The following TRERF1 variants were observed in gnomAD, a reference collection of about 807,000 sequenced individuals.
TRERF1 encodes the protein transcriptional regulating factor 1, also known as transcriptional-regulating factor 1.
TRERF1 carries 27 observed loss-of-function variants against 122.9 expected under a neutral mutation model. The ratio of observed to expected loss-of-function variants is 0.22; its 90% CI spans 0.16 to 0.30. The LOEUF is 0.30. Ranked by LOEUF, TRERF1 falls within the 10% of genes least tolerant of loss-of-function variation. TRERF1 has a pLI of 1.00. For missense variants in TRERF1, 1,248 were observed against 1,560.3 expected (o/e 0.80, Z 3.37); for synonymous variants, 636 against 641.7 (o/e 0.99, Z 0.13).
chr6:42,419,204 T>C (rs776298956), intron 2 of TRERF1, among the ~76,000 whole-genome samples: 16 of 152,174 alleles, frequency 1.1e-4, no homozygotes, highest in Admixed American at 8.5e-4. Flanking sequence ...CTCCATCTCT[T>C]TAGATAATTC....
In TRERF1 at chr6:42,228,903, A is replaced by G. The variant is rs1459584060; in HGVS notation, c.3279-234T>C. The stretch of plus-strand genomic sequence containing the variant: ...GTGCCTCAGGCTTCCTTCCTGTGAC[A>G]ATGGAGGAGGAATTCTCAAAGGCCT... On this transcript the variant is annotated intron_variant, in intron 17 of 17. Coordinates refer to ENST00000372922, the Ensembl canonical transcript of TRERF1. This position sits in a 1 kb window ranked among gnomAD's most constrained non-coding sequence, Gnocchi z 4.2. Among the ~76,000 whole-genome samples the G allele has an allele frequency of 1.3e-5, 2 of 152,144 alleles. No individual in the cohort carries two copies. Among genetic ancestry groups the G allele is most frequent in the African/African-American group, 4.8e-5 (2 of 41,426 alleles).
intron 4 of TRERF1, among the ~76,000 whole-genome samples, chr6:42,281,776 C>T (rs991142418): frequency 3.9e-5 from 6 of 152,158 alleles, no homozygotes; most frequent in Admixed American, 1.3e-4. Flanking sequence ...GATGCTGCTA[C>T]GCAAACAGGA....
At chr6:42,444,338 T>A (rs1266491641) in intron 2 of TRERF1, among the ~76,000 whole-genome samples, 1 of 152,150 alleles carries the variant, frequency 6.6e-6, no homozygotes, top group African/African-American at 2.4e-5. Context: ...AACTGAAGAC[T>A]CTTTTCTCCA....
At chr6:42,380,856 A>T (rs545342622) in intron 2 of TRERF1, among the ~76,000 whole-genome samples, 1 of 152,340 alleles carries the variant, frequency 6.6e-6, no homozygotes, top group Admixed American at 6.5e-5. Context: ...AGGCACCACT[A>T]CATCTCTTCT....
At chr6:42,264,217 T>A (rs1778740123) in intron 7 of TRERF1, among the ~76,000 whole-genome samples, 1 of 152,196 alleles carries the variant, frequency 6.6e-6, no homozygotes, top group South Asian at 2.1e-4. Flanking sequence ...TATCTGGATA[T>A]CCTACCTGGA....
chr6:42,280,967 C>A (rs566004771), intron 4 of TRERF1, among the ~76,000 whole-genome samples: 1 of 152,192 alleles, frequency 6.6e-6, no homozygotes, highest in African/African-American at 2.4e-5. Flanking sequence ...TTCCCCCTCA[C>A]CTGAGATTCC....
Position 42,242,073 on chromosome 6 carries a change from C to G in TRERF1, c.2859+1175G>C, listed in dbSNP as rs574305434. ...TCATGCCGCTGCATTCTAGCCTGAGCGACAAAGTGAGACCCTGTCTCAAAC... is the reference window on the plus strand; with the variant it reads ...TCATGCCGCTGCATTCTAGCCTGAGGGACAAAGTGAGACCCTGTCTCAAAC... On this transcript the variant is annotated intron_variant, in intron 15 of 17. Transcript: ENST00000372922. Among the ~76,000 whole-genome samples, 6 of 152,248 alleles carry G rather than the reference C, an allele frequency of 3.9e-5. No homozygotes were observed. In the East Asian group the frequency reaches 1.2e-3, roughly 29 times the overall value.
At chr6:42,318,401 A>AGAGGAC (rs1762852462) in intron 3 of TRERF1, among the ~76,000 whole-genome samples, 1 of 152,146 alleles carries the variant, frequency 6.6e-6, no homozygotes, top group Non-Finnish European at 1.5e-5. Flanking sequence ...CATAGACAAA[A>AGAGGAC]TTTCTTTCTT....
At chr6:42,281,061 A>G (rs34852211) in intron 4 of TRERF1, among the ~76,000 whole-genome samples, 4,158 of 152,178 alleles carry the variant, frequency 0.027, 57 homozygotes, top group Non-Finnish European at 0.037. Flanking sequence ...GGGGATAAAG[A>G]GGGGTCCTGC....
rs77181813 is a variant in TRERF1, at chr6:42,262,458, G to C, written c.1884+862C>G. On this transcript the variant is annotated intron_variant, in intron 8 of 17. Transcript: ENST00000372922. The stretch of plus-strand genomic sequence containing the variant: ...GCAGAGAGAGAGAGAGAGAGAGAGA[G>C]AGAGAGAGGAGAGAGAGAGAGAGAG... Among the ~76,000 whole-genome samples the C allele has an allele frequency of 5.7e-3, 32 of 5,658 alleles. 1 individual carries two copies. Among genetic ancestry groups the C allele is most frequent in the Non-Finnish European group, 9.2e-3 (18 of 1,958 alleles). 3.7% of individuals were successfully genotyped at this position (5,658 alleles called of 152,430 possible).
intron 13 of TRERF1, 134 bp downstream of exon 13, chr6:42,254,717 C>T: frequency 2.5e-6 from 2 of 795,280 alleles, no homozygotes; most frequent in Non-Finnish European, 4.3e-6. Flanking sequence ...ATAGCTCTGC[C>T]CTAGGAGGCC....
At chr6:42,339,200 G>A (rs1766785447) in intron 3 of TRERF1, among the ~76,000 whole-genome samples, 1 of 152,200 alleles carries the variant, frequency 6.6e-6, no homozygotes. Flanking sequence ...TCTGGTTTAT[G>A]AGAAAATGTG....
chr6:42,355,835 A>G (rs1457445695), intron 3 of TRERF1, among the ~76,000 whole-genome samples: 1 of 152,220 alleles, frequency 6.6e-6, no homozygotes, highest in African/African-American at 2.4e-5. Context: ...GCCCAAGATG[A>G]TAAAGTGTTC....
At chr6:42,256,085 C>T (rs1263811374) in intron 12 of TRERF1, among the ~76,000 whole-genome samples, 1 of 142,002 alleles carries the variant, frequency 7.0e-6, no homozygotes, top group Non-Finnish European at 1.5e-5. Flanking sequence ...GAGCCGAGAT[C>T]ATGCCATTGC....
chr6:42,373,676 A>G (rs1174448150), intron 2 of TRERF1, among the ~76,000 whole-genome samples: 2 of 151,970 alleles, frequency 1.3e-5, no homozygotes, highest in Admixed American at 6.5e-5. Context: ...AAAAAAACAA[A>G]AAAAATTAGC....
Position 42,260,854 on chromosome 6 carries a change from C to T in TRERF1, c.1885-1131G>A, listed in dbSNP as rs145720332. Among the ~76,000 whole-genome samples, 9 of 152,310 alleles carry T rather than the reference C, an allele frequency of 5.9e-5. No homozygotes were observed. The East Asian group carries it at 1.4e-3, about 23-fold the overall frequency. On this transcript the variant is annotated intron_variant, in intron 8 of 17. Transcript: ENST00000372922. Reference sequence around the variant, plus strand: ...CCTCTGCTCTGGGCTCCTCTCCCTCCAGAGCTTCAGGCTCTGCCCCCTTCT... The same window carrying T: ...CCTCTGCTCTGGGCTCCTCTCCCTCTAGAGCTTCAGGCTCTGCCCCCTTCT...
At chr6:42,436,434 T>C (rs1034210589) in intron 2 of TRERF1, among the ~76,000 whole-genome samples, 3 of 152,174 alleles carry the variant, frequency 2.0e-5, no homozygotes, top group African/African-American at 7.2e-5. Context: ...TTAGTAAGTA[T>C]TAAATCACAT....
At chr6:42,329,691 T>C (rs1764911958) in intron 3 of TRERF1, among the ~76,000 whole-genome samples, 1 of 151,998 alleles carries the variant, frequency 6.6e-6, no homozygotes. Flanking sequence ...CATTTTACCG[T>C]TGAAAATGTA....
intron 10 of TRERF1, 140 bp downstream of exon 10, chr6:42,257,992 AAAC>A: frequency 4.5e-6 from 3 of 673,010 alleles, no homozygotes; most frequent in Non-Finnish European, 7.4e-6. Flanking sequence ...TTGTGCAGGG[AAAC>A]AACAGTACTC....
Sources: gnomAD v4.1 joint callset for allele counts (sites outside exome capture counted in the v4.1 genomes callset) on GRCh38, gnomAD v4.1.1 for gene constraint, Gnocchi (gnomAD v3.1) non-coding constraint, MANE v1.5 for transcripts, NCBI Gene and HGNC (gene_info 2026-07-23, HGNC 2026-07-21) for gene names.